Variants in IRF8 observed in about 807,000 individuals in gnomAD.
The protein encoded by IRF8 is interferon consensus sequence binding protein 1.
Under a neutral mutation model 48.7 loss-of-function variants are expected in IRF8, and 14 were observed. The ratio of observed to expected loss-of-function variants is 0.29; its 90% CI spans 0.19 to 0.45. IRF8 has a LOEUF of 0.45. IRF8 is among the 20% of genes least tolerant of loss of function. The probability of loss-of-function intolerance (pLI) is 1.00; values close to 1 mark genes in which losing one functional copy is unlikely to be tolerated. For missense variants in IRF8, 493 were observed against 580.7 expected, an observed-to-expected ratio of 0.85 and a Z score of 1.55; for synonymous variants, 278 against 227.3, an observed-to-expected ratio of 1.22 and a Z score of -2.01.
At chr16:85,899,658 G>A (rs2152097391) in intron 1 of IRF8, among the ~76,000 whole-genome samples, 1 of 152,308 alleles carries the variant, frequency 6.6e-6, no homozygotes, top group African/African-American at 2.4e-5. Flanking sequence ...GGGTTAGTTT[G>A]TGAAGGAGGG....
intron 1 of IRF8, among the ~76,000 whole-genome samples, chr16:85,899,469 A>C (rs1161785438): frequency 1.3e-5 from 2 of 152,206 alleles, no homozygotes; most frequent in African/African-American, 4.8e-5. Flanking sequence ...CCTTTTTAAA[A>C]ATCTCATTTT....
Position 85,918,463 on chromosome 16 carries a change from G to A in IRF8, c.648G>A (p.Val216=), listed in dbSNP as rs770523853. 6.3e-7 allele frequency: 1 copy of A among 1,591,344 alleles called. No homozygotes were observed. The highest frequency in any genetic ancestry group is 8.5e-7 in the Non-Finnish European group (1 of 1,175,714). ...VISFYYGGKL[V]GQATTTCPEG... ...GCTTCTACTATGGGGGCAAGCTGGTGGGCCAGGCCACCACCACCTGCCCCG... is the reference window on the plus strand; with the variant it reads ...GCTTCTACTATGGGGGCAAGCTGGTAGGCCAGGCCACCACCACCTGCCCCG... The change falls in exon 7 of 9, where the codon GTG becomes GTA. Residue 216 remains valine (V), a synonymous_variant. Transcript: ENST00000268638.
chr16:85,921,373 T>A lies in IRF8; in HGVS notation c.*91T>A. The A allele has an allele frequency of 1.5e-6, 2 of 1,377,546 alleles. No individual in the cohort carries two copies. The allele number at this position is 1,377,546 out of a possible 1,614,324, so 85.3% of individuals were successfully genotyped here. The stretch of plus-strand genomic sequence containing the variant: ...ATCATGATTAAAGAATGTGGATCCC[T>A]CTGTCTGGGGTGGGATGCCTTACTT... On this transcript the variant is annotated 3_prime_UTR_variant, in exon 9 of 9. Transcript: ENST00000268638.
rs540457833 is a variant in IRF8 at position 85,914,480 on chromosome 16, G to A, written c.561G>A (p.Pro187=). 2.5e-5 allele frequency: 41 copies of A among 1,614,148 alleles called. 1 individual carries two copies. The highest frequency in any genetic ancestry group is 2.1e-4 in the South Asian group (19 of 91,086). ...WWAQQPSTGV[P]LVTGYTTYDA... ...TTTCTGTTTCTCCTGCAGGCGTGCC[G>A]CTGGTGACGGGGTACACCACCTACG... The change falls in exon 6 of 9, where the codon CCG becomes CCA. Residue 187 remains proline, a synonymous_variant. Transcript: ENST00000268638.
intron 2 of IRF8, among the ~76,000 whole-genome samples, chr16:85,905,041 C>T (rs1174074492): frequency 2.0e-5 from 3 of 152,094 alleles, no homozygotes; most frequent in African/African-American, 7.2e-5. Context: ...CATCTCTGAC[C>T]TCTACCCACC....
chr16:85,911,554 G>C lies in IRF8; in HGVS notation c.359-16G>C. On this transcript the variant is annotated splice_polypyrimidine_tract_variant and intron_variant, in intron 3 of 8. Transcript: ENST00000268638. ...CTCCGTGCCATGTGTCATGGTGTTTGTCTGGTTTTCTGTAGGCAAACTAGG... is the reference window on the plus strand; with the variant it reads ...CTCCGTGCCATGTGTCATGGTGTTTCTCTGGTTTTCTGTAGGCAAACTAGG... 6.2e-7 allele frequency: 1 copy of C among 1,611,422 alleles called. No individual in the cohort carries two copies. The highest frequency in any genetic ancestry group is 8.5e-7 in the Non-Finnish European group (1 of 1,177,550).
chr16:85,909,380 C>T, intron 3 of IRF8: 1 of 591,658 alleles, frequency 1.7e-6, no homozygotes, highest in Non-Finnish European at 3.0e-6. Context: ...TGCTGCCCAA[C>T]CTGTGCCCCA....
rs766966081 is a variant in IRF8 at position 85,913,347 on chromosome 16, A to C, written c.553+111A>C. On this transcript the variant is annotated intron_variant, in intron 5 of 8. Coordinates refer to ENST00000268638, the MANE Select transcript of IRF8 (RefSeq NM_002163.4). Reference sequence around the variant, plus strand: ...TTGTTGCTATCATGATCCATGTCTCATTAAAGGTAGCTCAGCCCTGAGAGG... The same window carrying C: ...TTGTTGCTATCATGATCCATGTCTCCTTAAAGGTAGCTCAGCCCTGAGAGG... The C allele has an allele frequency of 1.8e-5, 14 of 795,806 alleles. No homozygotes were observed. The South Asian group carries it at 1.8e-4, about 10-fold the overall frequency. The allele number at this position is 795,806 out of a possible 1,614,324, so 49.3% of individuals were successfully genotyped here. A position where few individuals can be genotyped will look rare whatever the true frequency, so the allele number is the denominator to read the frequency against.
intron 2 of IRF8, 74 bp downstream of exon 2, chr16:85,903,263 G>C: frequency 7.5e-7 from 1 of 1,331,542 alleles, no homozygotes. Context: ...GAGATGTTGA[G>C]TGACATCTTT....
chr16:85,904,812 C>CTTTTTTTTTTTTTTTTTTTTTT lies in IRF8; in HGVS notation c.174+1643_174+1644insTTTTTTTTTTTTTTTTTTTTTT, dbSNP rs1177860791. The stretch of plus-strand genomic sequence containing the variant: ...ATTTCTCTCTTGTTTGATTGCAGAT[C>CTTTTTTTTTTTTTTTTTTTTTT]TTTTTTTTTTTTTTTTTTTTGCCTT... On this transcript the variant is annotated intron_variant, in intron 2 of 8. Transcript: ENST00000268638. 1.8e-3 allele frequency among the ~76,000 whole-genome samples: 158 copies of CTTTTTTTTTTTTTTTTTTTTTT among 87,584 alleles called. 9 individuals carry two copies. The highest frequency in any genetic ancestry group is 4.1e-3 in the East Asian group (11 of 2,684). 57.5% of individuals were successfully genotyped at this position (87,584 alleles called of 152,430 possible).
At chr16:85,907,036 C>T (rs1304587550) in intron 2 of IRF8, among the ~76,000 whole-genome samples, 1 of 152,124 alleles carries the variant, frequency 6.6e-6, no homozygotes, top group Non-Finnish European at 1.5e-5. Context: ...CAACAAAACC[C>T]AAATTAATGC....
chr16:85,906,333 C>T (rs1905000560), intron 2 of IRF8, among the ~76,000 whole-genome samples: 1 of 152,180 alleles, frequency 6.6e-6, no homozygotes, highest in Non-Finnish European at 1.5e-5. Context: ...GTGACTGTTG[C>T]TGGCGGCAGG....
At chr16:85,903,387 C>A (rs1904891019) in intron 2 of IRF8, 198 bp downstream of exon 2, 2 of 600,892 alleles carry the variant, frequency 3.3e-6, no homozygotes, top group Admixed American at 5.7e-5. Context: ...ATTACGGAGT[C>A]ACTTTTGTGG....
intron 2 of IRF8, among the ~76,000 whole-genome samples, chr16:85,906,645 TG>T (rs750994950): frequency 2.6e-5 from 4 of 152,216 alleles, no homozygotes; most frequent in Non-Finnish European, 5.9e-5. Context: ...GCACCGCGGT[TG>T]CGTATGTGTA....
In IRF8 at chr16:85,914,431, C is replaced by T. The variant is rs370582677; in HGVS notation, c.554-42C>T. 1.5e-5 allele frequency: 25 copies of T among 1,613,584 alleles called. 1 individual carries two copies. The African/African-American group carries it at 2.9e-4, about 19-fold the overall frequency. ...GATTGGGGTTACTCCCTGTACACCA[C>T]ACCTGGGTGGCTCTGAGCTTGCTTT... On this transcript the variant is annotated intron_variant, in intron 5 of 8. Transcript: ENST00000268638.
chr16:85,915,008 C>T (rs764525920), intron 6 of IRF8, among the ~76,000 whole-genome samples: 7 of 152,246 alleles, frequency 4.6e-5, no homozygotes, highest in Non-Finnish European at 1.0e-4. Context: ...CCAGCGCTGC[C>T]TCTCTTTTGG....
chr16:85,909,115 A>G lies in IRF8; in HGVS notation c.300A>G (p.Gln100=), dbSNP rs11545564. Reference sequence around the variant, plus strand: ...TTGAGGAAGTGACGGACCGGTCCCAACTGGACATTTCCGAGCCATACAAAG... The same window carrying G: ...TTGAGGAAGTGACGGACCGGTCCCAGCTGGACATTTCCGAGCCATACAAAG... ...PDFEEVTDRS[Q]LDISEPYKVY... Residue 100 remains glutamine, a synonymous_variant, in exon 3 of 9, where the codon CAA becomes CAG. Coordinates refer to ENST00000268638, the MANE Select transcript of IRF8 (RefSeq NM_002163.4). 6.1e-3 allele frequency: 9,825 copies of G among 1,614,148 alleles called. 838 individuals are homozygous for G. The Admixed American group carries it at 0.15, about 24-fold the overall frequency.
chr16:85,913,415 C>T (rs758917573), intron 5 of IRF8, 179 bp downstream of exon 5: 2 of 631,072 alleles, frequency 3.2e-6, no homozygotes, highest in Non-Finnish European at 5.8e-6. Flanking sequence ...GGGCAGAGCC[C>T]AGCTGTGCCT....
At position 85,918,399 on chromosome 16, in the gene IRF8, T is replaced by A; in HGVS notation, c.602-18T>A. 1 of 1,593,814 alleles carries A rather than the reference T, an allele frequency of 6.3e-7. No homozygotes were observed. Among genetic ancestry groups the A allele is most frequent in the South Asian group, 1.1e-5 (1 of 90,384 alleles). On this transcript the variant is annotated intron_variant, in intron 6 of 8. Coordinates refer to ENST00000268638, the MANE Select transcript of IRF8 (RefSeq NM_002163.4). ...ATGTCTCCCCGCAGCACCGTCATCG[T>A]GTCCCTCTTGTCCACAGCATTCTCC...
Sources: gnomAD v4.1 joint callset for allele counts (sites outside exome capture counted in the v4.1 genomes callset) on GRCh38, gnomAD v4.1.1 for gene constraint, MANE v1.5 for transcripts, NCBI Gene and HGNC (gene_info 2026-07-23, HGNC 2026-07-21) for gene names.